Variants in CYBA observed in about 807,000 individuals in gnomAD.
CYBA encodes the protein cytochrome b-245 light chain.
A neutral mutation model predicts 20.8 loss-of-function variants in CYBA; 21 were observed. The ratio of observed to expected loss-of-function variants is 1.01; its 90% CI spans 0.72 to 1.46. CYBA has a LOEUF of 1.46. Among genes scored for constraint, CYBA ranks in the 40% most tolerant of loss-of-function variants. The pLI, the probability that CYBA is intolerant of heterozygous loss-of-function variation, is 0.00. For synonymous variants in CYBA, 164 were observed against 127.5 expected, an observed-to-expected ratio of 1.29 and a Z score of -1.93; for missense variants, 344 against 287.0, an observed-to-expected ratio of 1.20 and a Z score of -1.43.
chr16:88,648,005 G>A, intron 2 of CYBA, 40 bp downstream of exon 2: 2 of 1,583,510 alleles, frequency 1.3e-6, no homozygotes, highest in South Asian at 1.1e-5. Context: ...GCTCTGCCCT[G>A]GGCGTTCCCC....
Position 88,643,364 on chromosome 16 carries a change from C to T in CYBA, c.577G>A (p.Glu193Lys), listed in dbSNP as rs747994433. ...GGTCCGGGGCGAGGTCACACGACCT[C>T]GTCGGTCACCGGGATGGGGTTGACC... ...PQVNPIPVTDEVV is the reference protein window; with the variant it reads ...PQVNPIPVTDKVV The change falls in exon 6 of 6, where the codon GAG (glutamate) becomes AAG (lysine). Residue 193 changes from glutamate to lysine, a missense_variant. Glu to Lys is a moderately conservative substitution (Grantham distance 56, BLOSUM62 1). Coordinates refer to ENST00000261623, the MANE Select transcript of CYBA (RefSeq NM_000101.4). This position sits in a 1 kb window ranked among gnomAD's most constrained non-coding sequence, Gnocchi z 4.3. 7 of 1,526,314 alleles carry T rather than the reference C, an allele frequency of 4.6e-6. No homozygotes were observed. The highest frequency in any genetic ancestry group is 1.8e-4 in the Middle Eastern group (1 of 5,438). 94.5% of individuals were successfully genotyped at this position (1,526,314 alleles called of 1,614,324 possible).
chr16:88,645,836 T>A (rs1163473683), intron 5 of CYBA: 2 of 560,252 alleles, frequency 3.6e-6, no homozygotes, highest in African/African-American at 3.8e-5. Context: ...AGCCTCCGCA[T>A]CTTTGTCTGT....
chr16:88,646,990 A>G lies in CYBA; in HGVS notation c.203+111T>C. 4 of 1,229,248 alleles carry G rather than the reference A, an allele frequency of 3.3e-6. No individual in the cohort carries two copies. In the South Asian group the frequency reaches 5.0e-5, roughly 15 times the overall value. 76.1% of individuals were successfully genotyped at this position (1,229,248 alleles called of 1,614,324 possible). A position where few individuals can be genotyped will look rare whatever the true frequency, so the allele number is the denominator to read the frequency against. Reference sequence around the variant, plus strand: ...CGGCCTTGGTTTACCCACAAGCACCAAAGGGTTGGTTCCGGAGCCTCCAAG... The same window carrying G: ...CGGCCTTGGTTTACCCACAAGCACCGAAGGGTTGGTTCCGGAGCCTCCAAG... On this transcript the variant is annotated intron_variant, in intron 3 of 5. Coordinates refer to ENST00000261623, the MANE Select transcript of CYBA (RefSeq NM_000101.4).
At chr16:88,645,034 T>C (rs375015964) in intron 5 of CYBA, 1 of 629,584 alleles carries the variant, frequency 1.6e-6, no homozygotes, top group South Asian at 1.8e-5. Context: ...TGGGGCCACA[T>C]GGCTGGTGGT....
intron 1 of CYBA, chr16:88,650,627 C>A (rs1449379619): frequency 1.9e-6 from 1 of 539,456 alleles, no homozygotes; most frequent in Non-Finnish European, 3.5e-6. Context: ...GGGGCGGTGA[C>A]CCCGGAAACC....
At chr16:88,646,961 G>T (rs1907310400) in intron 3 of CYBA, 123 bp from the exon 4 acceptor site, 1 of 1,177,114 alleles carries the variant, frequency 8.5e-7, no homozygotes, top group African/African-American at 1.5e-5. Flanking sequence ...CACCGGGCAG[G>T]CACCGGCCTT....
chr16:88,647,522 C>A (rs904495745), intron 2 of CYBA, among the ~76,000 whole-genome samples: 1 of 152,206 alleles, frequency 6.6e-6, no homozygotes, highest in African/African-American at 2.4e-5. Flanking sequence ...GGGGACAGAG[C>A]GAGACCCTGT....
chr16:88,647,962 G>C, intron 2 of CYBA, 83 bp downstream of exon 2: 1 of 1,349,332 alleles, frequency 7.4e-7, no homozygotes, highest in East Asian at 2.4e-5. Context: ...GTGGGGAGCG[G>C]AGGCAAACAG....
intron 2 of CYBA, chr16:88,647,729 G>A: frequency 2.0e-6 from 1 of 487,846 alleles, no homozygotes; most frequent in South Asian, 2.1e-5. Flanking sequence ...GGTCAAGGGG[G>A]ATGACTGACA....
At chr16:88,648,431 G>T (rs1907370674) in intron 1 of CYBA, among the ~76,000 whole-genome samples, 1 of 152,164 alleles carries the variant, frequency 6.6e-6, no homozygotes, top group Non-Finnish European at 1.5e-5. Flanking sequence ...GTCACCATGA[G>T]TCTTTGTTTG....
Position 88,643,648 on chromosome 16 carries a change from CGCTA to C in CYBA, c.370-81_370-78del. On this transcript the variant is annotated intron_variant, in intron 5 of 5. Coordinates refer to ENST00000261623, the MANE Select transcript of CYBA (RefSeq NM_000101.4). The surrounding 1 kb of genome is among the most constrained non-coding windows in gnomAD (Gnocchi z 4.3). ...TCCCTCCCTCCCCGGAGGCCCACCC[CGCTA>C]GGGGCCCTGGGACAGGCTCAAGTCT... 7.5e-7 allele frequency: 1 copy of C among 1,339,584 alleles called. No homozygotes were observed. Among genetic ancestry groups the C allele is most frequent in the Non-Finnish European group, 1.0e-6 (1 of 973,800 alleles). The allele number at this position is 1,339,584 out of a possible 1,614,324, so 83.0% of individuals were successfully genotyped here. A position where few individuals can be genotyped will look rare whatever the true frequency, so the allele number is the denominator to read the frequency against.
At chr16:88,649,077 A>ACAGG (rs1567610015) in intron 1 of CYBA, among the ~76,000 whole-genome samples, 12 of 151,438 alleles carry the variant, frequency 7.9e-5, no homozygotes, top group South Asian at 6.2e-4. Flanking sequence ...AGCTGGGACT[A>ACAGG]TGCGCGCCTG....
intron 5 of CYBA, chr16:88,645,555 A>C: frequency 1.6e-6 from 1 of 639,102 alleles, no homozygotes; most frequent in Admixed American, 2.3e-5. Flanking sequence ...ATTTCACCCA[A>C]GGCCTGGCCA....
intron 1 of CYBA, chr16:88,650,358 C>A (rs1208511203): frequency 2.2e-6 from 1 of 456,684 alleles, no homozygotes; most frequent in Non-Finnish European, 4.4e-6. Flanking sequence ...AGGAGGGTGA[C>A]TGGGGGCTGT....
chr16:88,647,546 G>A (rs371838784), intron 2 of CYBA: 8 of 367,146 alleles, frequency 2.2e-5, no homozygotes, highest in African/African-American at 6.3e-5. Context: ...AAAAAAGGTC[G>A]GGGGCAGCCA....
rs1406958586 is a variant in CYBA, at chr16:88,645,967, G to T, written c.369+149C>A. 6 of 684,140 alleles carry T rather than the reference G, an allele frequency of 8.8e-6. No homozygotes were observed. The East Asian group carries it at 1.6e-4, about 19-fold the overall frequency. The allele number at this position is 684,140 out of a possible 1,614,324, so 42.4% of individuals were successfully genotyped here. The stretch of plus-strand genomic sequence containing the variant: ...CAGCAGCAACCGCTGCGTCCCCGCC[G>T]TGCTGTGAGCACACGCCCAGGCTCA... On this transcript the variant is annotated intron_variant, in intron 5 of 5. Coordinates refer to ENST00000261623, the MANE Select transcript of CYBA (RefSeq NM_000101.4).
chr16:88,650,952 TCA>T lies in CYBA; in HGVS notation c.58+2_58+3del. ...AGCCTCCACCGTCCCTGACGTGCAC[TCA>T]CTCAGGCCGGACGCCAGCGCCTGTT... On this transcript the variant is annotated splice_donor_variant and splice_donor_region_variant and intron_variant, in intron 1 of 5. Transcript: ENST00000261623. LOFTEE classifies it high-confidence loss of function. 6.3e-7 allele frequency: 1 copy of T among 1,590,444 alleles called. No homozygotes were observed. Among genetic ancestry groups the T allele is most frequent in the Non-Finnish European group, 8.5e-7 (1 of 1,169,964 alleles).
In CYBA at chr16:88,650,944, A is replaced by G; in HGVS notation, c.58+12T>C. On this transcript the variant is annotated intron_variant, in intron 1 of 5. Coordinates refer to ENST00000261623, the MANE Select transcript of CYBA (RefSeq NM_000101.4). ...CAGGCTGCAGCCTCCACCGTCCCTG[A>G]CGTGCACTCACTCAGGCCGGACGCC... is the stretch of plus-strand genomic sequence containing the variant. The G allele has an allele frequency of 1.3e-6, 2 of 1,587,746 alleles. No individual in the cohort carries two copies. The highest frequency in any genetic ancestry group is 1.7e-6 in the Non-Finnish European group (2 of 1,168,628).
chr16:88,648,259 C>T, intron 1 of CYBA, 145 bp from the exon 2 acceptor site: 2 of 742,782 alleles, frequency 2.7e-6, no homozygotes, highest in Non-Finnish European at 4.5e-6. Context: ...TCGGGGACAC[C>T]CCCAGGAGGC....
Sources: gnomAD v4.1 joint callset for allele counts (sites outside exome capture counted in the v4.1 genomes callset) on GRCh38, gnomAD v4.1.1 for gene constraint, Gnocchi (gnomAD v3.1) non-coding constraint, MANE v1.5 for transcripts, NCBI Gene and HGNC (gene_info 2026-07-23, HGNC 2026-07-21) for gene names.